The following MRE11 variants were observed in gnomAD, a reference collection of about 807,000 sequenced individuals.
MRE11 encodes double-strand break repair protein MRE11.
MRE11 carries 62 observed loss-of-function variants against 91.7 expected under a neutral mutation model. The observed-to-expected ratio is 0.68, with a 90% CI of 0.55 to 0.84. The LOEUF (loss-of-function observed/expected upper bound fraction) is 0.84. Among genes scored for constraint, MRE11 ranks in the 40% least tolerant of loss-of-function variants. The pLI is 0.00. For synonymous variants in MRE11, 273 were observed against 271.4 expected (o/e 1.01, Z -0.06); for missense variants, 796 against 852.9 (o/e 0.93, Z 0.83).
intron 18 of MRE11, among the ~76,000 whole-genome samples, chr11:94,430,505 G>A (rs1245905777): frequency 1.4e-5 from 2 of 142,884 alleles, no homozygotes; most frequent in African/African-American, 5.3e-5. Context: ...TTTTTGAGAT[G>A]GAGTCTCGCT....
intron 14 of MRE11, among the ~76,000 whole-genome samples, chr11:94,452,882 T>A (rs147424985): frequency 7.8e-4 from 119 of 152,164 alleles, no homozygotes; most frequent in Non-Finnish European, 1.5e-3. Context: ...TATAGTAGAG[T>A]GACATTATGT....
the MRE11 span, among the ~76,000 whole-genome samples, chr11:94,502,062 T>C: frequency 6.6e-6 from 1 of 152,200 alleles, no homozygotes; most frequent in South Asian, 2.1e-4. Context: ...ACAATATTAA[T>C]AGCTAACAAC....
chr11:94,470,394 T>G (rs1288725646), intron 9 of MRE11, 77 bp downstream of exon 9: 2 of 1,410,228 alleles, frequency 1.4e-6, no homozygotes, highest in Non-Finnish European at 1.0e-6. Context: ...TTCCCTCTAC[T>G]CTATTAAATT....
chr11:94,490,619 T>C (rs1219567314), intron 3 of MRE11, among the ~76,000 whole-genome samples: 3 of 152,202 alleles, frequency 2.0e-5, no homozygotes, highest in Admixed American at 1.3e-4. Context: ...CCAAAAACAT[T>C]TGTAAATTTT....
intron 19 of MRE11, among the ~76,000 whole-genome samples, chr11:94,429,325 T>C (rs1219998935): frequency 6.6e-6 from 1 of 152,168 alleles, no homozygotes; most frequent in Non-Finnish European, 1.5e-5. Context: ...AGCAATCCCA[T>C]TACTGGCTAT....
chr11:94,497,825 T>TG (rs1305976159), upstream of MRE11: 2 of 418,754 alleles, frequency 4.8e-6, no homozygotes, highest in Non-Finnish European at 8.5e-6. Flanking sequence ...AGTAAATGTA[T>TG]GGTTTGATAT....
intron 14 of MRE11, among the ~76,000 whole-genome samples, chr11:94,451,230 A>G (rs1031122213): frequency 6.6e-6 from 1 of 152,214 alleles, no homozygotes; most frequent in Non-Finnish European, 1.5e-5. Flanking sequence ...AAGACTTATG[A>G]GAGAATGCTC....
intron 16 of MRE11, among the ~76,000 whole-genome samples, chr11:94,445,074 T>A (rs1945887271): frequency 1.3e-5 from 2 of 151,990 alleles, no homozygotes; most frequent in Admixed American, 1.3e-4. Context: ...ACAAATTAAT[T>A]CCAAGGGCCT....
intron 8 of MRE11, among the ~76,000 whole-genome samples, chr11:94,470,889 G>C (rs1399290646): frequency 2.6e-5 from 4 of 151,846 alleles, no homozygotes; most frequent in African/African-American, 4.8e-5. Context: ...TTGTAAGATA[G>C]ACATAATAAG....
At chr11:94,477,842 G>A (rs1008171376) in intron 6 of MRE11, among the ~76,000 whole-genome samples, 4 of 152,190 alleles carry the variant, frequency 2.6e-5, no homozygotes, top group Admixed American at 2.0e-4. Context: ...AGCAGTGGGT[G>A]GAGCAAGGAG....
In MRE11 at chr11:94,416,350, T is replaced by C. The variant is rs1412351385; in HGVS notation, c.*3775A>G. The stretch of plus-strand genomic sequence containing the variant: ...ATGTACATGGCAACAGCAAGTTATA[T>C]AAGCTGGTTCTTTAGATCAAACTAA... On this transcript the variant is annotated 3_prime_UTR_variant, in exon 20 of 20. Transcript: ENST00000323929. 1 of 152,210 alleles carries C rather than the reference T, an allele frequency of 6.6e-6. No homozygotes were observed. The highest frequency in any genetic ancestry group is 2.4e-5 in the African/African-American group (1 of 41,442). 9.4% of individuals were successfully genotyped at this position (152,210 alleles called of 1,614,324 possible).
chr11:94,438,650 G>C (rs1264315339), intron 16 of MRE11, among the ~76,000 whole-genome samples: 1 of 152,198 alleles, frequency 6.6e-6, no homozygotes, highest in African/African-American at 2.4e-5. Flanking sequence ...GATGAGTGAT[G>C]TTGTGAAATA....
chr11:94,476,573 A>T (rs542837899), intron 6 of MRE11, among the ~76,000 whole-genome samples, 170 bp from the exon 7 acceptor site: 1 of 151,790 alleles, frequency 6.6e-6, no homozygotes, highest in Non-Finnish European at 1.5e-5. Flanking sequence ...TTCTTTTTTT[A>T]TCTTTTTTTT....
At chr11:94,465,609 T>A (rs1946541998) in intron 10 of MRE11, among the ~76,000 whole-genome samples, 2 of 152,066 alleles carry the variant, frequency 1.3e-5, no homozygotes, top group African/African-American at 4.8e-5. Flanking sequence ...TTGCCCAGGC[T>A]GGTCTCGAAC....
intron 14 of MRE11, among the ~76,000 whole-genome samples, chr11:94,449,234 G>C (rs1946028340): frequency 1.3e-5 from 2 of 152,300 alleles, no homozygotes; most frequent in South Asian, 4.1e-4. Flanking sequence ...CTCAGCTGAG[G>C]TGAAATCACA....
At chr11:94,435,646 C>G (rs1191919888) in intron 18 of MRE11, among the ~76,000 whole-genome samples, 186 bp downstream of exon 18, 1 of 152,130 alleles carries the variant, frequency 6.6e-6, no homozygotes. Context: ...CACTGAAAAT[C>G]CTTGTACTAA....
In MRE11 at chr11:94,441,605, C is replaced by T. The variant is rs536966856; in HGVS notation, c.1867+4205G>A. 1.4e-4 allele frequency among the ~76,000 whole-genome samples: 21 copies of T among 152,220 alleles called. No homozygotes were observed. In the South Asian group the frequency reaches 3.1e-3, roughly 23 times the overall value. ...ATAAAAGAAGTCCTTACTGTGTACA[C>T]ACGAAAAATTAAAACAGGCCTAAAA... On this transcript the variant is annotated intron_variant, in intron 16 of 19. Transcript: ENST00000323929.
At chr11:94,423,830 C>T (rs1483081105) in intron 19 of MRE11, among the ~76,000 whole-genome samples, 2 of 152,308 alleles carry the variant, frequency 1.3e-5, no homozygotes, top group African/African-American at 2.4e-5. Context: ...CTGGGGCTGT[C>T]GAGCTAAGAG....
At chr11:94,466,453 AAC>A (rs745891467) in intron 10 of MRE11, 2 of 528,870 alleles carry the variant, frequency 3.8e-6, no homozygotes, top group African/African-American at 3.8e-5. Context: ...CCTACTGTGC[AAC>A]AGACACTATT....
Sources: gnomAD v4.1 joint callset for allele counts (sites outside exome capture counted in the v4.1 genomes callset) on GRCh38, gnomAD v4.1.1 for gene constraint, MANE v1.5 for transcripts, NCBI Gene and HGNC (gene_info 2026-07-23, HGNC 2026-07-21) for gene names.